Variants in DYNLT1 observed in about 807,000 individuals in gnomAD.
DYNLT1 encodes the protein T-complex testis-specific protein 1 homolog.
Under a neutral mutation model 19.6 loss-of-function variants are expected in DYNLT1, and 18 were observed. That is an observed-to-expected ratio of 0.92 (90% CI 0.64 to 1.36). DYNLT1 has a LOEUF of 1.36. Among genes scored for constraint, DYNLT1 ranks in the 40% most tolerant of loss-of-function variants. DYNLT1 has a pLI of 0.00. For missense variants in DYNLT1, 137 were observed against 139.3 expected (o/e 0.98, Z 0.08); for synonymous variants, 56 against 44.0 (o/e 1.27, Z -1.07).
intron 2 of DYNLT1, among the ~76,000 whole-genome samples, chr6:158,638,169 A>G (rs1787060123): frequency 6.6e-6 from 1 of 152,096 alleles, no homozygotes; most frequent in African/African-American, 2.4e-5. Context: ...TTTCCTGTTG[A>G]GGCTAGAAAG....
At chr6:158,637,590 G>T in intron 3 of DYNLT1, 181 bp downstream of exon 3, 1 of 872,294 alleles carries the variant, frequency 1.1e-6, no homozygotes, top group Non-Finnish European at 1.8e-6. Flanking sequence ...CATACGATCT[G>T]CAATTGTACC....
At chr6:158,643,279 T>A (rs544290346) in intron 1 of DYNLT1, among the ~76,000 whole-genome samples, 2 of 152,322 alleles carry the variant, frequency 1.3e-5, no homozygotes, top group Non-Finnish European at 1.5e-5. Flanking sequence ...GGGAAAGGCT[T>A]TTTTCTTTGC....
chr6:158,640,808 TA>T (rs758875554), intron 2 of DYNLT1, among the ~76,000 whole-genome samples: 7 of 152,224 alleles, frequency 4.6e-5, no homozygotes, highest in Non-Finnish European at 8.8e-5. Flanking sequence ...CAGAAGGGTC[TA>T]TGCCCTGCAC....
At position 158,637,154 on chromosome 6, in the gene DYNLT1, G is replaced by C. The variant is rs746346206; in HGVS notation, c.245C>G (p.Ser82Cys). 16 of 1,614,122 alleles carry C rather than the reference G, an allele frequency of 9.9e-6. No homozygotes were observed. The change falls in exon 4 of 5, where the codon TCC becomes TGC. Residue 82 changes from serine (S) to cysteine (C), a missense_variant. Coordinates refer to ENST00000367089, the MANE Select transcript of DYNLT1 (RefSeq NM_006519.4). ...GTCAGTAGAGCTGTCCCAGAAGCAGGAACTTGCTGTGTGTAATCCAGCTCC... is the reference window on the plus strand; with the variant it reads ...GTCAGTAGAGCTGTCCCAGAAGCAGCAACTTGCTGTGTGTAATCCAGCTCC... The part of the protein sequence containing the change: ...KNGAGLHTAS[S>C]CFWDSSTDGS...
At chr6:158,637,634 A>G (rs1787041423) in intron 3 of DYNLT1, 137 bp downstream of exon 3, 1 of 1,357,670 alleles carries the variant, frequency 7.4e-7, no homozygotes. Context: ...GCTAACGTAT[A>G]CTACACACAC....
At chr6:158,637,718 G>A (rs199990530) in intron 3 of DYNLT1, 53 bp downstream of exon 3, 257 of 1,613,590 alleles carry the variant, frequency 1.6e-4, no homozygotes, top group Non-Finnish European at 2.1e-4. Flanking sequence ...ATGCCCCTCT[G>A]ATCAGTGTTA....
intron 2 of DYNLT1, among the ~76,000 whole-genome samples, chr6:158,640,641 G>A (rs553286144): frequency 8.8e-4 from 134 of 152,146 alleles, no homozygotes; most frequent in African/African-American, 3.1e-3. Flanking sequence ...ATTTCAGCTC[G>A]AAATGGTCCC....
intron 3 of DYNLT1, 105 bp from the exon 4 acceptor site, chr6:158,637,310 T>C (rs1787030600): frequency 1.0e-6 from 1 of 998,342 alleles, no homozygotes; most frequent in Non-Finnish European, 1.5e-6. Context: ...ACGTGGTTGA[T>C]GTTCTCGATA....
At chr6:158,638,333 A>G (rs968588672) in intron 2 of DYNLT1, among the ~76,000 whole-genome samples, 1 of 152,262 alleles carries the variant, frequency 6.6e-6, no homozygotes. Context: ...TTTATCCAGC[A>G]TTGTCTGAGA....
At position 158,636,841 on chromosome 6, in the gene DYNLT1, C is replaced by A. The variant is rs979162647; in HGVS notation, c.328G>T (p.Gly110Ter). ...KTMYCIVSAF[G>*]LSI ...TGGACTGCAGGTCAAATAGACAGTC[C>A]GAAGGCACTGACGATGCAGTACATG... The change falls in exon 5 of 5, where the codon GGA (glycine) becomes TGA (stop). Residue 110 changes from glycine to a stop codon, truncating the protein, a stop_gained. Transcript: ENST00000367089. LOFTEE classifies it high-confidence loss of function. 1 of 1,611,650 alleles carries A rather than the reference C, an allele frequency of 6.2e-7. No individual in the cohort carries two copies. The highest frequency in any genetic ancestry group is 8.5e-7 in the Non-Finnish European group (1 of 1,178,982).
Position 158,636,700 on chromosome 6 carries a change from T to G in DYNLT1, c.*127A>C. On this transcript the variant is annotated 3_prime_UTR_variant, in exon 5 of 5. Transcript: ENST00000367089. ...TCACATCACAGTGCGGTCATTTGGT[T>G]TTTTCCTCTACATTGTGAAAGTGCC... is the stretch of plus-strand genomic sequence containing the variant. 1 of 1,173,800 alleles carries G rather than the reference T, an allele frequency of 8.5e-7. No homozygotes were observed. The highest frequency in any genetic ancestry group is 1.2e-6 in the Non-Finnish European group (1 of 835,756). The allele number at this position is 1,173,800 out of a possible 1,614,324, so 72.7% of individuals were successfully genotyped here. A position where few individuals can be genotyped will look rare whatever the true frequency, so the allele number is the denominator to read the frequency against.
chr6:158,640,471 T>C (rs982273136), intron 2 of DYNLT1, among the ~76,000 whole-genome samples: 3 of 152,070 alleles, frequency 2.0e-5, no homozygotes, highest in African/African-American at 7.2e-5. Flanking sequence ...TCTGGCTTCA[T>C]TCCTACCCTA....
chr6:158,637,546 C>T, intron 3 of DYNLT1: 1 of 677,230 alleles, frequency 1.5e-6, no homozygotes, highest in South Asian at 1.9e-5. Flanking sequence ...GTTCTAAAAG[C>T]ATCTGATGGG....
intron 4 of DYNLT1, 46 bp downstream of exon 4, chr6:158,637,082 T>C (rs1294819364): frequency 1.2e-6 from 2 of 1,610,410 alleles, no homozygotes; most frequent in Non-Finnish European, 1.7e-6. Context: ...CTTCCAGTCA[T>C]ATATTTCACA....
rs1583071424 is a variant in DYNLT1, at chr6:158,636,775, T to G, written c.*52A>C. Reference sequence around the variant, plus strand: ...AGTTCACTGAATTCATGGCTGGTGGTTAGAGGATGAACTAGAGACAAAAGG... The same window carrying G: ...AGTTCACTGAATTCATGGCTGGTGGGTAGAGGATGAACTAGAGACAAAAGG... On this transcript the variant is annotated 3_prime_UTR_variant, in exon 5 of 5. Coordinates refer to ENST00000367089, the MANE Select transcript of DYNLT1 (RefSeq NM_006519.4). The G allele has an allele frequency of 6.5e-6, 10 of 1,543,074 alleles. No individual in the cohort carries two copies. Among genetic ancestry groups the G allele is most frequent in the Non-Finnish European group, 8.8e-7 (1 of 1,132,014 alleles).
chr6:158,636,972 A>AT (rs1787016621), intron 4 of DYNLT1, 75 bp from the exon 5 acceptor site: 1 of 1,560,884 alleles, frequency 6.4e-7, no homozygotes, highest in Non-Finnish European at 8.8e-7. Flanking sequence ...TAAGGCCAAC[A>AT]TTCAAGTACC....
chr6:158,640,618 T>G (rs1787115207), intron 2 of DYNLT1, among the ~76,000 whole-genome samples: 1 of 152,048 alleles, frequency 6.6e-6, no homozygotes, highest in Non-Finnish European at 1.5e-5. Flanking sequence ...TACCCCTACT[T>G]CTCATTCTGC....
At chr6:158,641,246 T>C in intron 2 of DYNLT1, 73 bp downstream of exon 2, 2 of 1,378,026 alleles carry the variant, frequency 1.5e-6, no homozygotes, top group South Asian at 1.4e-5. Flanking sequence ...AATTCCAAGA[T>C]AGTATTTAAA....
In DYNLT1 at chr6:158,636,832, T is replaced by C. The variant is rs202187397; in HGVS notation, c.337A>G (p.Ile113Val). Reference sequence around the variant, plus strand: ...GCCATAGGCTGGACTGCAGGTCAAATAGACAGTCCGAAGGCACTGACGATG... The same window carrying C: ...GCCATAGGCTGGACTGCAGGTCAAACAGACAGTCCGAAGGCACTGACGATG... ...YCIVSAFGLS[I>V] The change falls in exon 5 of 5, where the codon ATT becomes GTT. Residue 113 changes from isoleucine (I) to valine (V), a missense_variant. Ile to Val is a conservative substitution (Grantham distance 29). Transcript: ENST00000367089. 105 of 1,610,942 alleles carry C rather than the reference T, an allele frequency of 6.5e-5. 1 individual carries two copies. The Admixed American group carries it at 9.4e-4, about 14-fold the overall frequency.
Sources: allele counts gnomAD v4.1 joint callset (sites outside exome capture counted in the v4.1 genomes callset), GRCh38; gene constraint gnomAD v4.1.1; transcripts MANE v1.5; gene names NCBI Gene and HGNC (gene_info 2026-07-23, HGNC 2026-07-21).